AOPEP: variants seen among roughly 807,000 people sequenced by gnomAD.
AOPEP encodes aminopeptidase O (putative), also known as aminopeptidase O.
A neutral mutation model predicts 98.1 loss-of-function variants in AOPEP; 77 were observed. That is an observed-to-expected ratio of 0.78 (90% CI 0.65 to 0.95). AOPEP has a LOEUF of 0.95. Ranked by LOEUF, AOPEP falls within the 40% of genes least tolerant of loss-of-function variation. The pLI, the probability that AOPEP is intolerant of heterozygous loss-of-function variation, is 0.00. For missense variants in AOPEP, 1,024 were observed against 1,024.7 expected, an observed-to-expected ratio of 1.00 and a Z score of 0.01; for synonymous variants, 346 against 365.3, an observed-to-expected ratio of 0.95 and a Z score of 0.60.
intron 13 of AOPEP, among the ~76,000 whole-genome samples, chr9:95,012,774 A>T (rs1240547817): frequency 3.3e-5 from 5 of 152,156 alleles, no homozygotes; most frequent in Admixed American, 3.3e-4. Flanking sequence ...AACACTTAGA[A>T]AAAGGCCTGG....
chr9:95,088,987 C>T (rs77866730), downstream of AOPEP, among the ~76,000 whole-genome samples: 2 of 152,212 alleles, frequency 1.3e-5, no homozygotes, highest in South Asian at 2.1e-4. Context: ...GCTGGGGCTG[C>T]CCCTGGAGGT....
chr9:94,943,987 C>T (rs1235058049), intron 7 of AOPEP, among the ~76,000 whole-genome samples: 14 of 145,810 alleles, frequency 9.6e-5, no homozygotes, highest in Non-Finnish European at 1.3e-4. Context: ...AGAAAATATG[C>T]AGATGGCCAA....
At chr9:94,867,348 G>A (rs774971509) in intron 5 of AOPEP, among the ~76,000 whole-genome samples, 3 of 152,238 alleles carry the variant, frequency 2.0e-5, no homozygotes, top group Non-Finnish European at 2.9e-5. Context: ...ACTCTCGGCC[G>A]AGGTGGCCTG....
chr9:95,059,119 A>G (rs1179141142), intron 13 of AOPEP, among the ~76,000 whole-genome samples: 1 of 152,192 alleles, frequency 6.6e-6, no homozygotes, highest in Admixed American at 6.5e-5. Flanking sequence ...TTTTGTTACA[A>G]GTAGTTATGT....
intron 11 of AOPEP, among the ~76,000 whole-genome samples, chr9:94,999,967 G>T: frequency 6.6e-6 from 1 of 152,174 alleles, no homozygotes; most frequent in East Asian, 1.9e-4. Flanking sequence ...CTCAGGTTAT[G>T]GTTACTGAGA....
At chr9:94,778,532 G>A (rs1842656292) in intron 3 of AOPEP, among the ~76,000 whole-genome samples, 1 of 151,976 alleles carries the variant, frequency 6.6e-6, no homozygotes, top group Admixed American at 6.6e-5. Context: ...CACACTGAAT[G>A]ACCCTTTTTA....
chr9:94,988,847 C>T (rs1321832639), intron 11 of AOPEP, among the ~76,000 whole-genome samples: 2 of 151,824 alleles, frequency 1.3e-5, no homozygotes, highest in Non-Finnish European at 2.9e-5. Flanking sequence ...TGGAACTGGT[C>T]AACATAATCC....
chr9:95,144,688 G>A, the AOPEP span, among the ~76,000 whole-genome samples: 5 of 152,238 alleles, frequency 3.3e-5, no homozygotes, highest in Non-Finnish European at 7.3e-5. Flanking sequence ...CAAGAAGGGA[G>A]CTGCCACAGT....
intron 13 of AOPEP, among the ~76,000 whole-genome samples, chr9:95,053,778 G>T (rs2066592118): frequency 6.6e-6 from 1 of 152,142 alleles, no homozygotes; most frequent in Admixed American, 6.6e-5. Flanking sequence ...GAAGTCTACT[G>T]GATTAATCAT....
rs184108779 is a variant in AOPEP at position 94,889,692 on chromosome 9, C to A, written c.1365-34294C>A. Among the ~76,000 whole-genome samples, 30 of 152,304 alleles carry A rather than the reference C, an allele frequency of 2.0e-4. 1 individual carries two copies. In the East Asian group the frequency reaches 2.3e-3, roughly 12 times the overall value. On this transcript the variant is annotated intron_variant, in intron 5 of 16. Transcript: ENST00000375315. ...TCTGCATGAAAATAATTTTTCAGTTCTCTAGATAAATACCCAAGACAGTTC... is the reference window on the plus strand; with the variant it reads ...TCTGCATGAAAATAATTTTTCAGTTATCTAGATAAATACCCAAGACAGTTC...
intron 13 of AOPEP, among the ~76,000 whole-genome samples, chr9:95,032,231 A>G (rs1587700530): frequency 6.6e-6 from 1 of 152,038 alleles, no homozygotes; most frequent in Admixed American, 6.5e-5. Context: ...TTTTCAGGCC[A>G]CCCCCACCTG....
intron 5 of AOPEP, among the ~76,000 whole-genome samples, chr9:94,833,634 G>A (rs573564995): frequency 2.0e-4 from 30 of 152,226 alleles, no homozygotes; most frequent in African/African-American, 7.0e-4. Context: ...TTTCTACTGG[G>A]ACAATTTGAG....
chr9:94,914,390 AG>A, intron 5 of AOPEP, among the ~76,000 whole-genome samples: 1 of 152,226 alleles, frequency 6.6e-6, no homozygotes, highest in African/African-American at 2.4e-5. Context: ...ACTCCAAAGC[AG>A]GTTTTGCCTG....
At chr9:95,081,040 C>T (rs2069695797) in intron 15 of AOPEP, 2 of 503,802 alleles carry the variant, frequency 4.0e-6, no homozygotes, top group South Asian at 2.4e-5. Flanking sequence ...GCTCACACTT[C>T]ACGGCATCTC....
the AOPEP span, among the ~76,000 whole-genome samples, chr9:95,093,019 G>C: frequency 2.0e-5 from 3 of 152,224 alleles, no homozygotes; most frequent in African/African-American, 7.2e-5. Flanking sequence ...CAGAGATGAG[G>C]CCGGAGTCCG....
At chr9:94,955,663 A>G (rs533510632) in intron 8 of AOPEP, among the ~76,000 whole-genome samples, 3 of 152,180 alleles carry the variant, frequency 2.0e-5, no homozygotes, top group East Asian at 3.9e-4. Flanking sequence ...TCTGCGATGG[A>G]CAACCAGCCT....
chr9:95,078,909 G>C (rs1237751112), intron 14 of AOPEP, among the ~76,000 whole-genome samples: 1 of 152,250 alleles, frequency 6.6e-6, no homozygotes, highest in Non-Finnish European at 1.5e-5. Context: ...ACTTCTTTGA[G>C]CTCTGGTCAC....
At chr9:95,080,947 TTTTCCTCTCTCAA>T (rs2069682261) in intron 15 of AOPEP, 167 bp downstream of exon 15, 7 of 617,492 alleles carry the variant, frequency 1.1e-5, no homozygotes, top group South Asian at 1.0e-4. Context: ...TGAGCTGCTT[TTTTCCTCTCTCAA>T]TGTCTTTGAA....
chr9:94,755,840 A>G (rs1255482028), intron 1 of AOPEP, among the ~76,000 whole-genome samples: 1 of 152,248 alleles, frequency 6.6e-6, no homozygotes, highest in African/African-American at 2.4e-5. Flanking sequence ...TCTGGGACCC[A>G]CTGTCTTCAT....
Sources: allele counts gnomAD v4.1 joint callset (sites outside exome capture counted in the v4.1 genomes callset), GRCh38; gene constraint gnomAD v4.1.1; transcripts MANE v1.5; gene names NCBI Gene and HGNC (gene_info 2026-07-23, HGNC 2026-07-21).